The following CSMD1 variants were observed in gnomAD, a reference collection of about 807,000 sequenced individuals.
CSMD1 encodes the protein CUB and Sushi multiple domains 1.
In CSMD1, 213 loss-of-function variants were observed where a neutral mutation model predicts 417.5. That is an observed-to-expected ratio of 0.51 (90% CI 0.46 to 0.57). CSMD1 has a LOEUF of 0.57. Ranked by LOEUF, CSMD1 falls within the 20% of genes least tolerant of loss-of-function variation. The pLI, the probability that CSMD1 is intolerant of heterozygous loss-of-function variation, is 0.00. For synonymous variants in CSMD1, 2,862 were observed against 1,736.8 expected (o/e 1.65, Z -16.11); for missense variants, 6,923 against 4,529.7 (o/e 1.53, Z -15.17).
At chr8:2,973,640 C>G (rs1452425307) in intron 56 of CSMD1, among the ~76,000 whole-genome samples, 5 of 144,978 alleles carry the variant, frequency 3.4e-5, no homozygotes, top group African/African-American at 1.3e-4. Context: ...GAAAATGGGG[C>G]TTTAGGTAAA....
intron 1 of CSMD1, among the ~76,000 whole-genome samples, chr8:4,738,711 A>C (rs1049956380): frequency 7.2e-5 from 11 of 152,340 alleles, no homozygotes; most frequent in African/African-American, 2.6e-4. Flanking sequence ...TCATTGATAT[A>C]TTAATTAAAT....
At chr8:3,931,590 T>C (rs1810144180) in intron 5 of CSMD1, among the ~76,000 whole-genome samples, 1 of 149,980 alleles carries the variant, frequency 6.7e-6, no homozygotes, top group Non-Finnish European at 1.5e-5. Flanking sequence ...TGCCATGAAT[T>C]GCCTCAAATC....
chr8:3,804,277 G>A (rs149317333), intron 5 of CSMD1, among the ~76,000 whole-genome samples: 2 of 152,048 alleles, frequency 1.3e-5, no homozygotes, highest in Admixed American at 6.6e-5. Flanking sequence ...TAACTTGCAG[G>A]TGCAGAATAC....
intron 3 of CSMD1, among the ~76,000 whole-genome samples, chr8:4,110,439 T>A (rs1368321796): frequency 1.3e-5 from 2 of 152,150 alleles, no homozygotes; most frequent in East Asian, 3.9e-4. Context: ...TTTTCATTAC[T>A]TTTCCTTTAA....
chr8:3,459,283 G>A (rs150726080), intron 12 of CSMD1, among the ~76,000 whole-genome samples: 11 of 152,310 alleles, frequency 7.2e-5, no homozygotes, highest in African/African-American at 1.9e-4. Context: ...AGGGTGAGGC[G>A]AGGAGAGACA....
intron 5 of CSMD1, among the ~76,000 whole-genome samples, chr8:3,819,892 G>C (rs1801624663): frequency 6.6e-6 from 1 of 152,274 alleles, no homozygotes; most frequent in South Asian, 2.1e-4. Context: ...GGGATCCAGA[G>C]TGCTATAATA....
chr8:4,352,232 C>T (rs1801140790), intron 3 of CSMD1, among the ~76,000 whole-genome samples: 1 of 152,190 alleles, frequency 6.6e-6, no homozygotes, highest in African/African-American at 2.4e-5. Context: ...CAATTGTAAG[C>T]ACCAACATAA....
intron 1 of CSMD1, among the ~76,000 whole-genome samples, chr8:4,746,329 G>A (rs935635975): frequency 1.3e-5 from 2 of 152,168 alleles, no homozygotes; most frequent in African/African-American, 4.8e-5. Flanking sequence ...AGCGACTGTA[G>A]GCACTTTGGC....
At chr8:4,114,641 G>A (rs1395397327) in intron 3 of CSMD1, among the ~76,000 whole-genome samples, 1 of 152,190 alleles carries the variant, frequency 6.6e-6, no homozygotes, top group Admixed American at 6.5e-5. Context: ...CTTCTGGAAA[G>A]GATTATCTTT....
At chr8:4,900,212 G>A (rs957368234) in intron 1 of CSMD1, among the ~76,000 whole-genome samples, 3 of 151,982 alleles carry the variant, frequency 2.0e-5, no homozygotes, top group African/African-American at 7.3e-5. Flanking sequence ...ACACGGGTTG[G>A]GTGCCTCTAT....
At chr8:3,459,286 G>A (rs1315183984) in intron 12 of CSMD1, among the ~76,000 whole-genome samples, 1 of 152,180 alleles carries the variant, frequency 6.6e-6, no homozygotes, top group Non-Finnish European at 1.5e-5. Flanking sequence ...GTGAGGCGAG[G>A]AGAGACAGGC....
At position 3,999,235 on chromosome 8, in the gene CSMD1, T is replaced by C. The variant is rs896668517; in HGVS notation, c.611-1125A>G. Reference sequence around the variant, plus strand: ...ACAGTCATTAATTCTGATACTGCAATGTGGATGATATGTAAAAGTCAGCCT... The same window carrying C: ...ACAGTCATTAATTCTGATACTGCAACGTGGATGATATGTAAAAGTCAGCCT... On this transcript the variant is annotated intron_variant, in intron 4 of 69. Coordinates refer to ENST00000635120, the MANE Select transcript of CSMD1 (RefSeq NM_033225.6). Among the ~76,000 whole-genome samples the C allele has an allele frequency of 3.9e-5, 6 of 152,164 alleles. No homozygotes were observed. The South Asian group carries it at 8.3e-4, about 21-fold the overall frequency.
intron 26 of CSMD1, among the ~76,000 whole-genome samples, chr8:3,263,904 T>G (rs761195118): frequency 3.9e-4 from 59 of 152,356 alleles, no homozygotes; most frequent in South Asian, 8.3e-4. Flanking sequence ...TAAAGTTATT[T>G]TAAAAACACT....
chr8:3,555,221 G>A (rs528135967), intron 10 of CSMD1, among the ~76,000 whole-genome samples: 1 of 150,902 alleles, frequency 6.6e-6, no homozygotes, highest in East Asian at 2.0e-4. Flanking sequence ...GCTTTTGTGA[G>A]CAGTGCTTGT....
At chr8:4,319,387 C>G (rs140297033) in intron 3 of CSMD1, among the ~76,000 whole-genome samples, 2 of 152,218 alleles carry the variant, frequency 1.3e-5, no homozygotes, top group African/African-American at 4.8e-5. Flanking sequence ...TACTGAGCCT[C>G]TGGGGCCCAT....
At chr8:3,929,561 G>A (rs2554662) in intron 5 of CSMD1, among the ~76,000 whole-genome samples, 10,724 of 150,190 alleles carry the variant, frequency 0.071, 1,568 homozygotes, top group African/African-American at 0.24. Flanking sequence ...CTATTCTGAT[G>A]GAATGATTTC....
At chr8:4,908,307 A>G (rs1805434292) in intron 1 of CSMD1, among the ~76,000 whole-genome samples, 1 of 152,166 alleles carries the variant, frequency 6.6e-6, no homozygotes, top group African/African-American at 2.4e-5. Context: ...GGTTTTGTGC[A>G]GTATGCATAT....
At chr8:4,064,964 T>C (rs1241121522) in intron 3 of CSMD1, among the ~76,000 whole-genome samples, 9 of 152,112 alleles carry the variant, frequency 5.9e-5, no homozygotes, top group Admixed American at 5.9e-4. Context: ...TTTAACGCTG[T>C]GCATTCACTA....
At chr8:4,606,358 A>G (rs112006998) in intron 2 of CSMD1, among the ~76,000 whole-genome samples, 132 of 148,268 alleles carry the variant, frequency 8.9e-4, no homozygotes, top group Admixed American at 2.3e-3. Context: ...CAGGGAGAGA[A>G]AAAAAAAAAA....
Sources: gnomAD v4.1 joint callset for allele counts (sites outside exome capture counted in the v4.1 genomes callset) on GRCh38, gnomAD v4.1.1 for gene constraint, MANE v1.5 for transcripts, NCBI Gene and HGNC (gene_info 2026-07-23, HGNC 2026-07-21) for gene names.